The following OXSM variants were observed in gnomAD, a reference collection of about 807,000 sequenced individuals.
The protein encoded by OXSM is 3-oxoacyl-[acyl-carrier-protein] synthase, mitochondrial.
Under a neutral mutation model 29.2 loss-of-function variants are expected in OXSM, and 19 were observed. The observed-to-expected ratio is 0.65, with a 90% confidence interval of 0.45 to 0.96. The LOEUF (loss-of-function observed/expected upper bound fraction) is 0.96, where lower values mean the gene tolerates loss of function less well. Among genes scored for constraint, OXSM ranks in the 40% least tolerant of loss-of-function variants. OXSM has a pLI of 0.00. For synonymous variants in OXSM, 178 were observed against 197.1 expected (o/e 0.90, Z 0.81); for missense variants, 554 against 551.3 (o/e 1.00, Z -0.05).
At chr3:25,792,970 A>C (rs1322041275) in intron 2 of OXSM, among the ~76,000 whole-genome samples, 1 of 152,154 alleles carries the variant, frequency 6.6e-6, no homozygotes, top group African/African-American at 2.4e-5. Flanking sequence ...GCAACTAATC[A>C]ACTCTGCCAT....
In OXSM at chr3:25,790,166, C is replaced by G; in HGVS notation, c.-32+19C>G. 4.0e-6 allele frequency: 2 copies of G among 494,562 alleles called. No individual in the cohort carries two copies. The highest frequency in any genetic ancestry group is 3.3e-5 in the East Asian group (1 of 30,532). 30.6% of individuals were successfully genotyped at this position (494,562 alleles called of 1,614,324 possible). On this transcript the variant is annotated intron_variant, in intron 1 of 2. Transcript: ENST00000280701. ...GTTACAGGTATCGCTGGCTACCCTC[C>G]TCCTTCGCCCCTCCTTTCCTCCTTT...
At chr3:25,790,902 GCACCCAAAGGAA>G (rs1708728344) in intron 1 of OXSM, 76 bp from the exon 2 acceptor site, 16 of 884,468 alleles carry the variant, frequency 1.8e-5, no homozygotes, top group Non-Finnish European at 2.8e-5. Flanking sequence ...CTCATATCAA[GCACCCAAAGGAA>G]CACCTTGGAT....
Position 25,794,432 on chromosome 3 carries a change from G to A in OXSM, c.1318G>A (p.Gly440Ser). ...ATGGAAAACTGAGAAAAGATTTATT[G>A]GCCTCACCAATTCCTTTGGTTTTGG... is the stretch of plus-strand genomic sequence containing the variant. ...QEWKTEKRFI[G>S]LTNSFGFGGT... The change falls in exon 3 of 3, where the codon GGC becomes AGC. Residue 440 changes from glycine to serine, a missense_variant. By Grantham distance (56) the Gly-to-Ser change is moderately conservative. Coordinates refer to ENST00000280701, the MANE Select transcript of OXSM (RefSeq NM_017897.3). The A allele has an allele frequency of 6.2e-7, 1 of 1,613,712 alleles. No individual in the cohort carries two copies. Among genetic ancestry groups the A allele is most frequent in the Non-Finnish European group, 8.5e-7 (1 of 1,179,626 alleles).
At position 25,791,569 on chromosome 3, in the gene OXSM, T is replaced by A. The variant is rs770479217; in HGVS notation, c.549T>A (p.Ile183=). The A allele has an allele frequency of 6.2e-7, 1 of 1,614,110 alleles. No homozygotes were observed. Among genetic ancestry groups the A allele is most frequent in the South Asian group, 1.1e-5 (1 of 91,080 alleles). ...TTAGCCCATTTTTTGTCCCTAAGAT[T>A]CTGGTCAATATGGCAGCAGGCCAGG... ...NKVSPFFVPK[I]LVNMAAGQVS... Residue 183 remains isoleucine, a synonymous_variant, in exon 2 of 3, where the codon ATT becomes ATA. Transcript: ENST00000280701.
At chr3:25,790,187 C>T (rs1708700015) in intron 1 of OXSM, 40 bp downstream of exon 1, 1 of 465,940 alleles carries the variant, frequency 2.1e-6, no homozygotes, top group South Asian at 3.4e-5. Context: ...CTCCTTTCCT[C>T]CTTTACATTC....
intron 1 of OXSM, among the ~76,000 whole-genome samples, 179 bp downstream of exon 1, chr3:25,790,326 C>T (rs140217682): frequency 1.4e-3 from 212 of 152,308 alleles, no homozygotes; most frequent in African/African-American, 4.3e-3. Flanking sequence ...CAGGGAATGG[C>T]TACACTCTTT....
chr3:25,790,136 G>A lies in OXSM; in HGVS notation c.-43G>A, dbSNP rs995490785. On this transcript the variant is annotated 5_prime_UTR_variant, in exon 1 of 3. Coordinates refer to ENST00000280701, the MANE Select transcript of OXSM (RefSeq NM_017897.3). ...CGACTGTGGAGAAGTGTCCGGGGTA[G>A]CCCCGTTACAGGTATCGCTGGCTAC... 6 of 512,128 alleles carry A rather than the reference G, an allele frequency of 1.2e-5. No individual in the cohort carries two copies. Among genetic ancestry groups the A allele is most frequent in the African/African-American group, 7.8e-5 (4 of 51,510 alleles). 31.7% of individuals were successfully genotyped at this position (512,128 alleles called of 1,614,324 possible). A position where few individuals can be genotyped will look rare whatever the true frequency, so the allele number is the denominator to read the frequency against.
chr3:25,794,380 C>G lies in OXSM; in HGVS notation c.1266C>G (p.Leu422=). ...ATTGTTCGGAACCAGAATTTGATCT[C>G]AACTATGTTCCACTAAAGGCACAGG... ...NLDCSEPEFD[L]NYVPLKAQEW... Residue 422 remains leucine, a synonymous_variant, in exon 3 of 3, where the codon CTC becomes CTG. Coordinates refer to ENST00000280701, the MANE Select transcript of OXSM (RefSeq NM_017897.3). 6.2e-7 allele frequency: 1 copy of G among 1,614,144 alleles called. No homozygotes were observed. The highest frequency in any genetic ancestry group is 1.3e-5 in the African/African-American group (1 of 75,046).
At position 25,791,751 on chromosome 3, in the gene OXSM, C is replaced by G. The variant is rs1381245443; in HGVS notation, c.731C>G (p.Ser244Cys). The change falls in exon 2 of 3, where the codon TCT becomes TGT. Residue 244 changes from serine (S) to cysteine (C), a missense_variant. Coordinates refer to ENST00000280701, the MANE Select transcript of OXSM (RefSeq NM_017897.3). Reference protein sequence around the residue: ...GGTDSCISPLSLAGFSRARAL... With the variant: ...GGTDSCISPLCLAGFSRARAL... ...ACAGATTCTTGTATTAGCCCTTTAT[C>G]TCTTGCTGGGTTTTCCAGAGCCCGG... 6 of 1,614,164 alleles carry G rather than the reference C, an allele frequency of 3.7e-6. No homozygotes were observed. The highest frequency in any genetic ancestry group is 5.1e-6 in the Non-Finnish European group (6 of 1,180,046).
rs370940750 is a variant in OXSM at position 25,794,460 on chromosome 3, G to C, written c.1346G>C (p.Gly449Ala). 1 of 1,612,240 alleles carries C rather than the reference G, an allele frequency of 6.2e-7. No individual in the cohort carries two copies. Among genetic ancestry groups the C allele is most frequent in the African/African-American group, 1.3e-5 (1 of 74,862 alleles). Reference protein sequence around the residue: ...IGLTNSFGFGGTNATLCIAGL With the variant: ...IGLTNSFGFGATNATLCIAGL ...CTCACCAATTCCTTTGGTTTTGGTG[G>C]TACTAATGCAACACTTTGTATTGCT... is the stretch of plus-strand genomic sequence containing the variant. The change falls in exon 3 of 3, where the codon GGT (glycine) becomes GCT (alanine). Residue 449 changes from glycine to alanine, a missense_variant. Physicochemically the swap from Gly to Ala is moderately conservative, Grantham distance 60. Coordinates refer to ENST00000280701, the MANE Select transcript of OXSM (RefSeq NM_017897.3).
rs1369369981 is a variant in OXSM, at chr3:25,791,647, T to G, written c.627T>G (p.Cys209Trp). The G allele has an allele frequency of 6.2e-7, 1 of 1,614,190 alleles. No individual in the cohort carries two copies. Among genetic ancestry groups the G allele is most frequent in the African/African-American group, 1.3e-5 (1 of 75,052 alleles). The part of the protein sequence containing the change: ...KGPNHAVSTA[C>W]TTGAHAVGDS... ...CAAATCATGCAGTATCCACAGCCTGTACCACAGGAGCTCATGCTGTGGGAG... is the reference window on the plus strand; with the variant it reads ...CAAATCATGCAGTATCCACAGCCTGGACCACAGGAGCTCATGCTGTGGGAG... Residue 209 changes from cysteine to tryptophan, a missense_variant, in exon 2 of 3, where the codon TGT (cysteine) becomes TGG (tryptophan). Physicochemically the swap from Cys to Trp is radical, Grantham distance 215 (BLOSUM62 -2). Transcript: ENST00000280701.
intron 2 of OXSM, among the ~76,000 whole-genome samples, chr3:25,793,167 T>A (rs80062706): frequency 1.3e-5 from 2 of 151,240 alleles, no homozygotes; most frequent in African/African-American, 2.4e-5. Context: ...TTTTTTTTTT[T>A]AGTAGAGTTG....
In OXSM at chr3:25,791,047, G is replaced by GA; in HGVS notation, c.31dup (p.Ile11AsnfsTer18). The GA allele has an allele frequency of 6.2e-7, 1 of 1,611,816 alleles. No individual in the cohort carries two copies. ...TGTCCAACTGCCTGCAAAATTTCCT[G>GA]AAAATTACAAGCACTCGTCTTCTAT... On this transcript the variant is annotated frameshift_variant, in exon 2 of 3. Coordinates refer to ENST00000280701, the MANE Select transcript of OXSM (RefSeq NM_017897.3). LOFTEE classifies it high-confidence loss of function.
rs947970050 is a variant in OXSM, at chr3:25,791,069, C to T, written c.49C>T (p.Leu17=). 6 of 1,613,644 alleles carry T rather than the reference C, an allele frequency of 3.7e-6. No homozygotes were observed. Among genetic ancestry groups the T allele is most frequent in the Non-Finnish European group, 5.1e-6 (6 of 1,179,658 alleles). ...NFLKITSTRL[L]CSRLCQQLRS... is the part of the protein sequence containing the mutation. ...CCTGAAAATTACAAGCACTCGTCTT[C>T]TATGTTCAAGATTATGCCAACAGTT... Residue 17 remains leucine, a synonymous_variant, in exon 2 of 3, where the codon CTA becomes TTA. Transcript: ENST00000280701.
chr3:25,792,253 A>G (rs895993464), intron 2 of OXSM, among the ~76,000 whole-genome samples: 1 of 152,222 alleles, frequency 6.6e-6, no homozygotes, highest in African/African-American at 2.4e-5. Context: ...GTCTTTGCCA[A>G]CTTTTCACGC....
Position 25,794,156 on chromosome 3 carries a change from C to G in OXSM, c.1042C>G (p.His348Asp). ...QPEEISYINA[H>D]ATSTPLGDAA... ...TGAGGAGATATCCTATATCAATGCACATGCTACTTCCACACCATTGGGAGA... is the reference window on the plus strand; with the variant it reads ...TGAGGAGATATCCTATATCAATGCAGATGCTACTTCCACACCATTGGGAGA... Residue 348 changes from histidine to aspartate, a missense_variant, in exon 3 of 3, where the codon CAT becomes GAT. Transcript: ENST00000280701. 6.2e-7 allele frequency: 1 copy of G among 1,614,114 alleles called. No homozygotes were observed. The highest frequency in any genetic ancestry group is 8.5e-7 in the Non-Finnish European group (1 of 1,179,952).
chr3:25,793,856 T>C (rs953591519), intron 2 of OXSM, among the ~76,000 whole-genome samples: 1 of 152,232 alleles, frequency 6.6e-6, no homozygotes, highest in Non-Finnish European at 1.5e-5. Context: ...TTGGCTTGTG[T>C]GTTTAACTCT....
At position 25,794,245 on chromosome 3, in the gene OXSM, C is replaced by T. The variant is rs1708827747; in HGVS notation, c.1131C>T (p.Ser377=). 1 of 1,614,104 alleles carries T rather than the reference C, an allele frequency of 6.2e-7. No homozygotes were observed. The highest frequency in any genetic ancestry group is 8.5e-7 in the Non-Finnish European group (1 of 1,180,048). The change falls in exon 3 of 3, where the codon TCC becomes TCT. Residue 377 remains serine (S), a synonymous_variant. Coordinates refer to ENST00000280701, the MANE Select transcript of OXSM (RefSeq NM_017897.3). The part of the protein sequence containing the change: ...FKDHAYALAV[S]STKGATGHLL... ...ACCATGCATATGCCCTTGCAGTTTC[C>T]TCAACTAAGGGAGCAACAGGACATC... is the stretch of plus-strand genomic sequence containing the variant.
rs1313392450 is a variant in OXSM, at chr3:25,791,688, T to C, written c.668T>C (p.Ile223Thr). 29 of 1,614,176 alleles carry C rather than the reference T, an allele frequency of 1.8e-5. No homozygotes were observed. Among genetic ancestry groups the C allele is most frequent in the Non-Finnish European group, 2.4e-5 (28 of 1,179,994 alleles). The change falls in exon 2 of 3, where the codon ATA becomes ACA. Residue 223 changes from isoleucine (I) to threonine (T), a missense_variant. Ile to Thr is a moderately conservative substitution (Grantham distance 89). Coordinates refer to ENST00000280701, the MANE Select transcript of OXSM (RefSeq NM_017897.3). ...GCTGTGGGAGACTCATTTAGATTTA[T>C]AGCCCATGGTGATGCTGATGTGATG... ...AHAVGDSFRF[I>T]AHGDADVMVA... is the part of the protein sequence containing the mutation.
Sources: gnomAD v4.1 joint callset for allele counts (sites outside exome capture counted in the v4.1 genomes callset) on GRCh38, gnomAD v4.1.1 for gene constraint, MANE v1.5 for transcripts, NCBI Gene and HGNC (gene_info 2026-07-23, HGNC 2026-07-21) for gene names.